SPAG9: variants seen among roughly 807,000 people sequenced by gnomAD.
The protein encoded by SPAG9 is C-Jun-amino-terminal kinase-interacting protein 4.
SPAG9 carries 35 observed loss-of-function variants against 166.5 expected under a neutral mutation model. The ratio of observed to expected loss-of-function variants is 0.21; its 90% confidence interval spans 0.16 to 0.28. The LOEUF is 0.28. SPAG9 is among the 10% of genes least tolerant of loss of function. The probability of loss-of-function intolerance (pLI) is 1.00; values close to 1 mark genes in which losing one functional copy is unlikely to be tolerated. For missense variants in SPAG9, 1,235 were observed against 1,603.3 expected, an observed-to-expected ratio of 0.77 and a Z score of 3.92; for synonymous variants, 534 against 565.5, an observed-to-expected ratio of 0.94 and a Z score of 0.79.
chr17:51,042,803 T>C (rs2046888537), intron 4 of SPAG9, among the ~76,000 whole-genome samples: 1 of 152,178 alleles, frequency 6.6e-6, no homozygotes, highest in African/African-American at 2.4e-5. Context: ...GAGACTACAT[T>C]TAGTCAAAGT....
rs147652746 is a variant in SPAG9, at chr17:50,984,926, C to A, written c.3085G>T (p.Val1029Leu). ...DGTLAIFHRG[V>L]DGQWDLSNYH... is the part of the protein sequence containing the mutation. ...TTATACACACATCACCACTCACCCA[C>A]TCCTCTGTGAAAGATTGCAAGGGTG... is the stretch of plus-strand genomic sequence containing the variant. The change falls in exon 24 of 30, where the codon GTG becomes TTG. Residue 1029 changes from valine to leucine, a missense_variant. Val to Leu is a conservative substitution (Grantham distance 32). Around this residue, in one of 6 missense-constraint regions of SPAG9, gnomAD observed 493 missense variants for 559.4 expected, o/e 0.88. Coordinates refer to ENST00000262013, the MANE Select transcript of SPAG9 (RefSeq NM_001130528.3). 372 of 1,613,620 alleles carry A rather than the reference C, an allele frequency of 2.3e-4. No individual in the cohort carries two copies. Among genetic ancestry groups the A allele is most frequent in the Admixed American group, 6.5e-4 (39 of 60,004 alleles).
In SPAG9 at chr17:51,079,724, T is replaced by C. The variant is rs1598143852; in HGVS notation, c.304-20A>G. On this transcript the variant is annotated intron_variant, in intron 1 of 29. Transcript: ENST00000262013. ...GAATTTCTAATAAAGAAGAACAATA[T>C]AAATTTAATCAGAGAAATTAAACTT... 3 of 1,457,594 alleles carry C rather than the reference T, an allele frequency of 2.1e-6. No homozygotes were observed. Among genetic ancestry groups the C allele is most frequent in the South Asian group, 2.4e-5 (2 of 82,096 alleles). 90.3% of individuals were successfully genotyped at this position (1,457,594 alleles called of 1,614,324 possible). A position where few individuals can be genotyped will look rare whatever the true frequency, so the allele number is the denominator to read the frequency against.
At chr17:51,005,094 A>G in intron 12 of SPAG9, 118 bp downstream of exon 12, 1 of 825,536 alleles carries the variant, frequency 1.2e-6, no homozygotes, top group Non-Finnish European at 1.9e-6. Flanking sequence ...GACCATAAAC[A>G]TGTCTCCTGA....
intron 8 of SPAG9, among the ~76,000 whole-genome samples, chr17:51,018,305 CA>C (rs1178088566): frequency 3.3e-5 from 5 of 151,112 alleles, no homozygotes; most frequent in Admixed American, 3.3e-4. Context: ...GTGAAGGTTG[CA>C]GTGAGCTGAG....
At chr17:51,040,277 G>A (rs1202320482) in intron 5 of SPAG9, among the ~76,000 whole-genome samples, 1 of 151,346 alleles carries the variant, frequency 6.6e-6, no homozygotes, top group Admixed American at 6.6e-5. Context: ...GAGAGCGAGC[G>A]AGTTGCCCAG....
chr17:50,999,936 A>C lies in SPAG9; in HGVS notation c.1608-219T>G, dbSNP rs145129426. Among the ~76,000 whole-genome samples, 389 of 152,326 alleles carry C rather than the reference A, an allele frequency of 2.6e-3. 3 individuals carry two copies. Among genetic ancestry groups the C allele is most frequent in the African/African-American group, 8.4e-3 (348 of 41,572 alleles). On this transcript the variant is annotated intron_variant, in intron 13 of 29. Coordinates refer to ENST00000262013, the MANE Select transcript of SPAG9 (RefSeq NM_001130528.3). ...AAAAATAAAATATCATCCCTCCCTCAAAGAGCTTAGTCTACCGACAGAGGA... is the reference window on the plus strand; with the variant it reads ...AAAAATAAAATATCATCCCTCCCTCCAAGAGCTTAGTCTACCGACAGAGGA...
At chr17:50,984,855 C>T in intron 24 of SPAG9, 68 bp downstream of exon 24, 1 of 1,196,432 alleles carries the variant, frequency 8.4e-7, no homozygotes, top group Non-Finnish European at 1.2e-6. Context: ...AAACATAAAC[C>T]AATCTACTTA....
chr17:51,073,299 G>C (rs1271645946), intron 2 of SPAG9, among the ~76,000 whole-genome samples: 2 of 151,838 alleles, frequency 1.3e-5, no homozygotes, highest in African/African-American at 4.8e-5. Context: ...CTGCACTCCA[G>C]CCTGGGCAAC....
At chr17:51,066,614 TGG>T (rs2047678487) in intron 2 of SPAG9, among the ~76,000 whole-genome samples, 1 of 146,312 alleles carries the variant, frequency 6.8e-6, no homozygotes, top group Non-Finnish European at 1.5e-5. Flanking sequence ...CCCAGCACTT[TGG>T]GAGGCCAAGG....
In SPAG9 at chr17:50,966,279, T is replaced by C. The variant is rs9896965; in HGVS notation, c.3959A>G (p.Asn1320Ser). 0.016 allele frequency: 25,680 copies of C among 1,604,768 alleles called. 2,099 individuals carry two copies. The African/African-American group carries it at 0.23, about 15-fold the overall frequency. The change falls in exon 30 of 30, where the codon AAT (asparagine) becomes AGT (serine). Residue 1320 changes from asparagine (N) to serine (S), a missense_variant. Coordinates refer to ENST00000262013, the MANE Select transcript of SPAG9 (RefSeq NM_001130528.3). ...HLIVWQVMYG[N>S]E ...CACCTGTTTCCCATGGGCTCACTCA[T>C]TGCCATACATCACTTGCCACACTAT... is the stretch of plus-strand genomic sequence containing the variant.
intron 4 of SPAG9, chr17:51,046,845 A>G: frequency 6.5e-7 from 1 of 1,531,516 alleles, no homozygotes; most frequent in Non-Finnish European, 8.7e-7. Context: ...TCCCCACCTC[A>G]TAACCATAGA....
intron 4 of SPAG9, among the ~76,000 whole-genome samples, chr17:51,043,773 C>T (rs1195893378): frequency 6.6e-6 from 1 of 152,198 alleles, no homozygotes; most frequent in Admixed American, 6.5e-5. Flanking sequence ...AGATGATATA[C>T]AGACTTCATA....
At chr17:51,039,986 G>A (rs2046768424) in intron 5 of SPAG9, among the ~76,000 whole-genome samples, 1 of 152,134 alleles carries the variant, frequency 6.6e-6, no homozygotes, top group Admixed American at 6.5e-5. Flanking sequence ...TGTAATTCCA[G>A]CACTTTGGGA....
intron 1 of SPAG9, among the ~76,000 whole-genome samples, chr17:51,093,694 C>CAA (rs57010523): frequency 0.018 from 1,319 of 71,788 alleles, 47 homozygotes; most frequent in African/African-American, 0.041. Context: ...GACTCCGTCT[C>CAA]AAAAAAAAAA....
At chr17:51,020,293 A>G (rs1157187695) in intron 7 of SPAG9, 35 bp from the exon 8 acceptor site, 5 of 1,343,714 alleles carry the variant, frequency 3.7e-6, no homozygotes, top group Admixed American at 1.7e-5. Context: ...AACAATACAT[A>G]TATTACACAG....
At chr17:51,030,472 T>C (rs1445154604) in intron 6 of SPAG9, among the ~76,000 whole-genome samples, 1 of 152,212 alleles carries the variant, frequency 6.6e-6, no homozygotes, top group Non-Finnish European at 1.5e-5. Flanking sequence ...TATACTTTTA[T>C]ACCTACATTT....
rs2045923643 is a variant in SPAG9 at position 51,021,184 on chromosome 17, G to T, written c.965C>A (p.Ala322Asp). ...EISKHIEVQV[A>D]QETRNVSTGS... ...AGTAGATACATTTCTAGTTTCCTGG[G>T]CTACCTGTACTTCAATGTGTTTGCT... is the stretch of plus-strand genomic sequence containing the variant. Residue 322 changes from alanine to aspartate, a missense_variant, in exon 7 of 30, where the codon GCC becomes GAC. Physicochemically the swap from Ala to Asp is moderately radical, Grantham distance 126. Transcript: ENST00000262013. 6.2e-7 allele frequency: 1 copy of T among 1,613,892 alleles called. No individual in the cohort carries two copies. The highest frequency in any genetic ancestry group is 1.3e-5 in the African/African-American group (1 of 74,968).
chr17:51,074,476 C>T (rs546053441), intron 2 of SPAG9, among the ~76,000 whole-genome samples: 3 of 152,282 alleles, frequency 2.0e-5, no homozygotes, highest in Admixed American at 6.5e-5. Context: ...TGCATCTGAA[C>T]GGTCAATTTT....
At chr17:51,016,075 T>G (rs2045685823) in intron 8 of SPAG9, among the ~76,000 whole-genome samples, 1 of 152,076 alleles carries the variant, frequency 6.6e-6, no homozygotes, top group African/African-American at 2.4e-5. Flanking sequence ...CACCCTGAAC[T>G]CAGCATGAAA....
Sources: gnomAD v4.1 joint callset for allele counts (sites outside exome capture counted in the v4.1 genomes callset) on GRCh38, gnomAD v4.1.1 for gene constraint, gnomAD v4.1.1 regional missense constraint, MANE v1.5 for transcripts, NCBI Gene and HGNC (gene_info 2026-07-23, HGNC 2026-07-21) for gene names.